NWD2: variants seen among roughly 807,000 people sequenced by gnomAD.
The protein encoded by NWD2 is NACHT and WD repeat domain-containing protein 2.
NWD2 carries 37 observed loss-of-function variants against 132.7 expected under a neutral mutation model. The observed-to-expected ratio is 0.28, with a 90% CI of 0.21 to 0.37. The LOEUF (loss-of-function observed/expected upper bound fraction) is 0.37. NWD2 is among the 10% of genes least tolerant of loss of function. The pLI, the probability that NWD2 is intolerant of heterozygous loss-of-function variation, is 1.00. For missense variants in NWD2, 1,592 were observed against 2,122.4 expected (o/e 0.75, Z 4.91); for synonymous variants, 705 against 803.0 (o/e 0.88, Z 2.06).
At chr4:37,289,874 TTA>T (rs1718322729) in intron 1 of NWD2, among the ~76,000 whole-genome samples, 1 of 146,368 alleles carries the variant, frequency 6.8e-6, no homozygotes, top group South Asian at 2.1e-4. Context: ...AGGCAACCAG[TTA>T]TCAGCAAAGG....
intron 1 of NWD2, among the ~76,000 whole-genome samples, chr4:37,264,499 G>A (rs1037828533): frequency 6.6e-6 from 1 of 152,048 alleles, no homozygotes; most frequent in Non-Finnish European, 1.5e-5. Flanking sequence ...GCCCAAGGAG[G>A]TTGAATATAT....
At chr4:37,429,401 C>G (rs981399449) in intron 3 of NWD2, among the ~76,000 whole-genome samples, 4 of 152,026 alleles carry the variant, frequency 2.6e-5, no homozygotes, top group Non-Finnish European at 5.9e-5. Context: ...TGAAACCTCC[C>G]TCTTCTGGGT....
Position 37,445,527 on chromosome 4 carries a change from C to T in NWD2, c.3539C>T (p.Thr1180Ile). The change falls in exon 7 of 7, where the codon ACT becomes ATT. Residue 1180 changes from threonine to isoleucine, a missense_variant. By Grantham distance (89) the Thr-to-Ile change is moderately conservative. Coordinates refer to ENST00000309447, the MANE Select transcript of NWD2 (RefSeq NM_001144990.2). The surrounding 1 kb of genome is among the most constrained non-coding windows in gnomAD (Gnocchi z 4.7). ...NTEDISSPQL[T>I]DDFDCRREDS... is the part of the protein sequence containing the mutation. ...GAGGACATTTCCAGCCCCCAGCTGA[C>T]TGATGACTTTGATTGCCGAAGAGAA... The T allele has an allele frequency of 1.4e-5, 22 of 1,552,030 alleles. No homozygotes were observed. The highest frequency in any genetic ancestry group is 1.8e-5 in the Non-Finnish European group (21 of 1,147,092).
intron 1 of NWD2, among the ~76,000 whole-genome samples, chr4:37,298,209 C>T (rs1718538817): frequency 6.6e-6 from 1 of 152,040 alleles, no homozygotes; most frequent in Non-Finnish European, 1.5e-5. Context: ...AGGAATGGAG[C>T]AAAGCTGAGC....
intron 3 of NWD2, among the ~76,000 whole-genome samples, chr4:37,388,210 C>G (rs998008136): frequency 6.6e-6 from 1 of 151,940 alleles, no homozygotes; most frequent in Non-Finnish European, 1.5e-5. Flanking sequence ...TTTTTTAAGA[C>G]AGAGTCTCTG....
At chr4:37,396,984 G>C (rs1198188298) in intron 3 of NWD2, among the ~76,000 whole-genome samples, 1 of 151,890 alleles carries the variant, frequency 6.6e-6, no homozygotes, top group Non-Finnish European at 1.5e-5. Context: ...AGTGAGCCAA[G>C]ATCGTGCCAT....
intron 3 of NWD2, among the ~76,000 whole-genome samples, chr4:37,387,030 A>G (rs1431099620): frequency 3.9e-5 from 6 of 152,200 alleles, no homozygotes; most frequent in African/African-American, 1.4e-4. Context: ...AGCTTCAGAT[A>G]TTCCTTGATA....
chr4:37,357,478 T>G (rs1719894465), intron 3 of NWD2, among the ~76,000 whole-genome samples: 1 of 152,192 alleles, frequency 6.6e-6, no homozygotes, highest in African/African-American at 2.4e-5. Context: ...TCATATAGTA[T>G]TTGTAGTATT....
At chr4:37,248,320 G>A (rs539627581) in intron 1 of NWD2, among the ~76,000 whole-genome samples, 3 of 152,242 alleles carry the variant, frequency 2.0e-5, no homozygotes, top group South Asian at 2.1e-4. Context: ...GAGGTAGTCC[G>A]AGGCATTCAA....
chr4:37,353,061 T>C (rs569969999), intron 2 of NWD2, among the ~76,000 whole-genome samples: 10 of 152,182 alleles, frequency 6.6e-5, no homozygotes, highest in Non-Finnish European at 1.5e-4. Context: ...GGTGACAAAA[T>C]CTCTCAGCAT....
chr4:37,314,366 G>T (rs1718915700), intron 1 of NWD2, among the ~76,000 whole-genome samples: 1 of 151,940 alleles, frequency 6.6e-6, no homozygotes, highest in Non-Finnish European at 1.5e-5. Context: ...GATTAATTTT[G>T]TCTTTATATA....
chr4:37,258,649 G>A (rs1340151010), intron 1 of NWD2, among the ~76,000 whole-genome samples: 2 of 152,220 alleles, frequency 1.3e-5, no homozygotes, highest in Non-Finnish European at 2.9e-5. Flanking sequence ...CTCCAGGACA[G>A]TGAGACAGTC....
intron 1 of NWD2, among the ~76,000 whole-genome samples, chr4:37,297,540 G>T (rs1406772495): frequency 6.6e-6 from 1 of 152,086 alleles, no homozygotes; most frequent in African/African-American, 2.4e-5. Context: ...TCAAAATCAG[G>T]AAGTGAACAG....
intron 3 of NWD2, among the ~76,000 whole-genome samples, chr4:37,388,655 A>ATATATATCATATATAAATATATATCG (rs1304460718): frequency 0.12 from 16,962 of 140,604 alleles, 1,668 homozygotes; most frequent in African/African-American, 0.26. Context: ...TATATATATC[A>ATATATATCATATATAAATATATATCG]TATATATCAT....
intron 1 of NWD2, among the ~76,000 whole-genome samples, chr4:37,316,406 A>T (rs1272212899): frequency 6.6e-6 from 1 of 150,628 alleles, no homozygotes; most frequent in Non-Finnish European, 1.5e-5. Context: ...TGGTGTCAAG[A>T]TTTTCTCTTT....
intron 6 of NWD2, among the ~76,000 whole-genome samples, chr4:37,442,605 A>G (rs1034579188): frequency 3.9e-5 from 6 of 152,174 alleles, no homozygotes; most frequent in South Asian, 4.1e-4. Flanking sequence ...AAAATCAACT[A>G]TCTGTTACAA....
intron 3 of NWD2, among the ~76,000 whole-genome samples, chr4:37,414,476 C>A (rs1368537003): frequency 5.4e-5 from 8 of 148,934 alleles, no homozygotes; most frequent in Non-Finnish European, 7.4e-5. Flanking sequence ...AAAAAAAAAA[C>A]CCAAAACCTA....
chr4:37,405,680 A>C (rs1720989645), intron 3 of NWD2, among the ~76,000 whole-genome samples: 1 of 152,174 alleles, frequency 6.6e-6, no homozygotes, highest in South Asian at 2.1e-4. Context: ...CTCAGTCAAA[A>C]AATGTTTGAG....
rs1231543008 is a variant in NWD2, at chr4:37,448,881, A to C, written c.*1664A>C. ...GGAAAAATAAATTCATGTAACCCAT[A>C]GAGAATCCAGGTCAATTGTATTTCC... On this transcript the variant is annotated 3_prime_UTR_variant, in exon 7 of 7. Coordinates refer to ENST00000309447, the MANE Select transcript of NWD2 (RefSeq NM_001144990.2). 6.6e-6 allele frequency: 1 copy of C among 152,246 alleles called. No homozygotes were observed. The highest frequency in any genetic ancestry group is 1.5e-5 in the Non-Finnish European group (1 of 68,038). 9.4% of individuals were successfully genotyped at this position (152,246 alleles called of 1,614,324 possible).
Sources: gnomAD v4.1 joint callset for allele counts (sites outside exome capture counted in the v4.1 genomes callset) on GRCh38, gnomAD v4.1.1 for gene constraint, Gnocchi (gnomAD v3.1) non-coding constraint, MANE v1.5 for transcripts, NCBI Gene and HGNC (gene_info 2026-07-23, HGNC 2026-07-21) for gene names.